KCNIP1: variants seen among roughly 807,000 people sequenced by gnomAD.
The protein encoded by KCNIP1 is potassium voltage-gated channel interacting protein 1.
A neutral mutation model predicts 33.0 loss-of-function variants in KCNIP1; 18 were observed. The observed-to-expected ratio is 0.55, with a 90% CI of 0.38 to 0.81. The LOEUF is 0.81. Ranked by LOEUF, KCNIP1 falls within the 30% of genes least tolerant of loss-of-function variation. KCNIP1 has a pLI of 0.00. For synonymous variants in KCNIP1, 93 were observed against 98.3 expected, an observed-to-expected ratio of 0.95 and a Z score of 0.32; for missense variants, 238 against 271.6, an observed-to-expected ratio of 0.88 and a Z score of 0.87.
At chr5:170,628,720 C>T (rs1250815237) in intron 1 of KCNIP1, among the ~76,000 whole-genome samples, 1 of 152,200 alleles carries the variant, frequency 6.6e-6, no homozygotes, top group East Asian at 1.9e-4. Context: ...CGAAGACACC[C>T]GTCAATACAT....
chr5:170,572,240 C>T (rs1468191522), intron 1 of KCNIP1, among the ~76,000 whole-genome samples: 1 of 152,240 alleles, frequency 6.6e-6, no homozygotes, highest in East Asian at 1.9e-4. Flanking sequence ...CTCAATTGAA[C>T]ACGCACAGGC....
At chr5:170,623,895 G>A (rs1166645514) in intron 1 of KCNIP1, among the ~76,000 whole-genome samples, 1 of 152,170 alleles carries the variant, frequency 6.6e-6, no homozygotes, top group African/African-American at 2.4e-5. Flanking sequence ...CAGGAGCTCA[G>A]CCACACCTGT....
At chr5:170,618,882 T>C (rs2113637347) in intron 1 of KCNIP1, among the ~76,000 whole-genome samples, 1 of 152,280 alleles carries the variant, frequency 6.6e-6, no homozygotes, top group African/African-American at 2.4e-5. Flanking sequence ...ATAGAAGGTA[T>C]AGAGAAGACA....
In KCNIP1 at chr5:170,504,541, G is replaced by T; in HGVS notation, c.-32G>T. 6.2e-7 allele frequency: 1 copy of T among 1,612,190 alleles called. No homozygotes were observed. The highest frequency in any genetic ancestry group is 8.5e-7 in the Non-Finnish European group (1 of 1,179,954). Reference sequence around the variant, plus strand: ...CAGGGTAGGGGAGGGGCCGGGCCCGGGGTCCCAACTCGCACTCAAGTCTTC... The same window carrying T: ...CAGGGTAGGGGAGGGGCCGGGCCCGTGGTCCCAACTCGCACTCAAGTCTTC... On this transcript the variant is annotated 5_prime_UTR_variant, in exon 1 of 8. Transcript: ENST00000328939. This position sits in a 1 kb window ranked among gnomAD's most constrained non-coding sequence, Gnocchi z 6.0.
intron 1 of KCNIP1, among the ~76,000 whole-genome samples, chr5:170,670,137 G>T (rs747099361): frequency 6.6e-6 from 1 of 152,150 alleles, no homozygotes; most frequent in Non-Finnish European, 1.5e-5. Context: ...GTGGACCAGC[G>T]CAGAACACAT....
intron 1 of KCNIP1, among the ~76,000 whole-genome samples, chr5:170,654,377 T>C (rs1254222864): frequency 6.6e-6 from 1 of 152,206 alleles, no homozygotes; most frequent in Non-Finnish European, 1.5e-5. Flanking sequence ...TCTAGTCATG[T>C]CCACAAAGAG....
At chr5:170,375,564 TCAGCCCTTCACAGCTGGCTCTG>T (rs879813570) in intron 1 of KCNIP1, 3,660 of 103,622 alleles carry the variant, frequency 0.035, 98 homozygotes, top group African/African-American at 0.084. Flanking sequence ...GCTCTGCCCC[TCAGCCCTTCACAGCTGGCTCTG>T]CCCCTCAGCC....
chr5:170,445,482 A>G (rs1756091541), intron 1 of KCNIP1, among the ~76,000 whole-genome samples: 1 of 152,204 alleles, frequency 6.6e-6, no homozygotes, highest in Admixed American at 6.5e-5. Context: ...CTGTTTACAA[A>G]GCACTTTGCT....
chr5:170,367,771 G>A (rs964511917), intron 1 of KCNIP1, among the ~76,000 whole-genome samples: 9 of 152,148 alleles, frequency 5.9e-5, no homozygotes, highest in African/African-American at 1.9e-4. Context: ...TGCAGACTGC[G>A]TTTCTTCCCA....
rs192372014 is a variant in KCNIP1, at chr5:170,522,199, C to T, written c.61+17566C>T. 1.8e-4 allele frequency among the ~76,000 whole-genome samples: 28 copies of T among 152,306 alleles called. No individual in the cohort carries two copies. In the South Asian group the frequency reaches 3.7e-3, roughly 20 times the overall value. ...GGACCAGAGGTCAGCTGGCAGGGTC[C>T]GCACCAAGCCTATCCAGGGAAGCCC... On this transcript the variant is annotated intron_variant, in intron 1 of 7. Coordinates refer to ENST00000328939, the MANE Select transcript of KCNIP1 (RefSeq NM_014592.4).
At chr5:170,407,066 C>T (rs917678221) in intron 1 of KCNIP1, among the ~76,000 whole-genome samples, 3 of 152,202 alleles carry the variant, frequency 2.0e-5, no homozygotes, top group Non-Finnish European at 4.4e-5. Flanking sequence ...CAGCATGGAG[C>T]CTTGGGGGTG....
At chr5:170,526,086 G>C (rs1198446440) in intron 1 of KCNIP1, among the ~76,000 whole-genome samples, 2 of 152,188 alleles carry the variant, frequency 1.3e-5, no homozygotes, top group African/African-American at 2.4e-5. Context: ...GTGTGCTCAG[G>C]GTCATCAGGC....
intron 1 of KCNIP1, among the ~76,000 whole-genome samples, chr5:170,456,326 G>C (rs1756373693): frequency 6.6e-6 from 1 of 151,992 alleles, no homozygotes; most frequent in Non-Finnish European, 1.5e-5. Flanking sequence ...GGGGGCAAGT[G>C]GAGGGAGAGC....
intron 5 of KCNIP1, among the ~76,000 whole-genome samples, chr5:170,728,246 G>C (rs968347733): frequency 1.3e-5 from 2 of 151,992 alleles, no homozygotes; most frequent in African/African-American, 2.4e-5. Flanking sequence ...GAAAAGATGA[G>C]GCAAGAAAAG....
At chr5:170,498,701 G>T (rs558662413) in intron 1 of KCNIP1, among the ~76,000 whole-genome samples, 2 of 152,264 alleles carry the variant, frequency 1.3e-5, no homozygotes, top group South Asian at 4.2e-4. Flanking sequence ...TTGAATAAAT[G>T]AATGAATGAA....
chr5:170,570,314 C>T (rs1757360067), intron 1 of KCNIP1, among the ~76,000 whole-genome samples: 1 of 152,172 alleles, frequency 6.6e-6, no homozygotes, highest in Non-Finnish European at 1.5e-5. Flanking sequence ...TCATAATAAT[C>T]ATCTTAATCA....
intron 4 of KCNIP1, 68 bp from the exon 5 acceptor site, chr5:170,722,645 C>A: frequency 9.0e-7 from 1 of 1,106,406 alleles, no homozygotes; most frequent in South Asian, 1.3e-5. Context: ...CAGTCTGACC[C>A]AAAGACACAG....
chr5:170,688,032 A>C (rs1255927134), intron 1 of KCNIP1, among the ~76,000 whole-genome samples: 4 of 149,508 alleles, frequency 2.7e-5, no homozygotes, highest in African/African-American at 9.9e-5. Flanking sequence ...TAATAGGTAT[A>C]TTTATTAAGC....
intron 1 of KCNIP1, among the ~76,000 whole-genome samples, chr5:170,410,673 G>A (rs1455622656): frequency 1.3e-5 from 2 of 152,190 alleles, no homozygotes; most frequent in South Asian, 4.1e-4. Flanking sequence ...AATGGCCCAT[G>A]TCTCTGTGGG....
Sources: gnomAD v4.1 joint callset for allele counts (sites outside exome capture counted in the v4.1 genomes callset) on GRCh38, gnomAD v4.1.1 for gene constraint, Gnocchi (gnomAD v3.1) non-coding constraint, MANE v1.5 for transcripts, NCBI Gene and HGNC (gene_info 2026-07-23, HGNC 2026-07-21) for gene names.